MLLT11: variants seen among roughly 807,000 people sequenced by gnomAD.
The protein encoded by MLLT11 is protein AF1q.
In MLLT11, 1 loss-of-function variant was observed where a neutral mutation model predicts 5.3. The ratio of observed to expected loss-of-function variants is 0.19; its 90% CI spans 0.07 to 0.89. The LOEUF (loss-of-function observed/expected upper bound fraction) is 0.89. MLLT11 is among the 40% of genes least tolerant of loss of function. MLLT11 has a pLI of 0.67. For synonymous variants in MLLT11, 38 were observed against 41.7 expected (o/e 0.91, Z 0.34); for missense variants, 87 against 107.3 (o/e 0.81, Z 0.83).
intron 1 of MLLT11, among the ~76,000 whole-genome samples, chr1:151,063,994 A>C (rs1676442290): frequency 6.8e-6 from 1 of 147,516 alleles, no homozygotes; most frequent in South Asian, 2.2e-4. Context: ...TCCCTGTTAC[A>C]GCATAGGAAA....
intron 1 of MLLT11, among the ~76,000 whole-genome samples, chr1:151,064,649 C>T (rs1363242599): frequency 2.0e-5 from 3 of 152,136 alleles, no homozygotes; most frequent in Non-Finnish European, 2.9e-5. Context: ...TGGTGAGATG[C>T]CAGAGAGCTT....
chr1:151,068,738 C>T lies in MLLT11; in HGVS notation c.*1241C>T, dbSNP rs1676511577. Among the ~76,000 whole-genome samples, 1 of 152,164 alleles carries T rather than the reference C, an allele frequency of 6.6e-6. No individual in the cohort carries two copies. Among genetic ancestry groups the T allele is most frequent in the Non-Finnish European group, 1.5e-5 (1 of 68,028 alleles). ...TAGCTGGGATTACAGGCGCCTGCCA[C>T]CAGGCCTGGTTAATTTTTGTATTTT... On this transcript the variant is annotated 3_prime_UTR_variant, in exon 2 of 2. Coordinates refer to ENST00000368921, the MANE Select transcript of MLLT11 (RefSeq NM_006818.4).
rs1676490095 is a variant in MLLT11, at chr1:151,067,392, C to A, written c.168C>A (p.Asp56Glu). Residue 56 changes from aspartate (D) to glutamate (E), a missense_variant, in exon 2 of 2, where the codon GAC becomes GAA. Physicochemically the swap from Asp to Glu is conservative, Grantham distance 45. Coordinates refer to ENST00000368921, the MANE Select transcript of MLLT11 (RefSeq NM_006818.4). ...GKMIGQATAA[D>E]QEKNPEGDGL... ...TGATCGGGCAAGCAACTGCAGCAGACCAGGAGAAAAACCCTGAAGGTGATG... is the reference window on the plus strand; with the variant it reads ...TGATCGGGCAAGCAACTGCAGCAGAACAGGAGAAAAACCCTGAAGGTGATG... 6 of 1,614,150 alleles carry A rather than the reference C, an allele frequency of 3.7e-6. No homozygotes were observed. The African/African-American group carries it at 6.7e-5, about 18-fold the overall frequency.
chr1:151,061,835 T>A (rs1411759101), intron 1 of MLLT11, among the ~76,000 whole-genome samples: 2 of 152,228 alleles, frequency 1.3e-5, no homozygotes, highest in Non-Finnish European at 2.9e-5. Context: ...CACGTATGTT[T>A]GCATGCATGT....
In MLLT11 at chr1:151,067,493, T is replaced by C. The variant is rs998737563; in HGVS notation, c.269T>C (p.Leu90Pro). 1.2e-6 allele frequency: 2 copies of C among 1,613,242 alleles called. No individual in the cohort carries two copies. Among genetic ancestry groups the C allele is most frequent in the Admixed American group, 3.3e-5 (2 of 59,990 alleles). Reference protein sequence around the residue: ...ASIHSFELDLL With the variant: ...ASIHSFELDLP ...ATCCACTCCTTCGAACTGGACTTGCTCTAAGGCCAAGACTTCTCTCTCCCA... is the reference window on the plus strand; with the variant it reads ...ATCCACTCCTTCGAACTGGACTTGCCCTAAGGCCAAGACTTCTCTCTCCCA... The change falls in exon 2 of 2, where the codon CTC becomes CCC. Residue 90 changes from leucine to proline, a missense_variant. Leu to Pro is a moderately conservative substitution (Grantham distance 98). Coordinates refer to ENST00000368921, the MANE Select transcript of MLLT11 (RefSeq NM_006818.4).
At chr1:151,063,959 G>C (rs587751420) in intron 1 of MLLT11, among the ~76,000 whole-genome samples, 1 of 152,058 alleles carries the variant, frequency 6.6e-6, no homozygotes, top group African/African-American at 2.4e-5. Flanking sequence ...CAGTATACTC[G>C]AGCACTGGGA....
intron 1 of MLLT11, among the ~76,000 whole-genome samples, chr1:151,066,564 C>T (rs1676478467): frequency 6.6e-6 from 1 of 152,210 alleles, no homozygotes; most frequent in African/African-American, 2.4e-5. Context: ...CCTTGAAAAT[C>T]AGACCCAAGA....
rs1571858708 is a variant in MLLT11, at chr1:151,068,575, T to C, written c.*1078T>C. The C allele has an allele frequency of 5.4e-6, 1 of 183,972 alleles. No homozygotes were observed. The highest frequency in any genetic ancestry group is 1.2e-5 in the Non-Finnish European group (1 of 83,516). 11.4% of individuals were successfully genotyped at this position (183,972 alleles called of 1,614,324 possible). ...TAGCCTTGCTTTCACACTTAGCTTA[T>C]ACATCTTTTTTTTCTTTTTTATTTT... On this transcript the variant is annotated 3_prime_UTR_variant, in exon 2 of 2. Transcript: ENST00000368921.
intron 1 of MLLT11, among the ~76,000 whole-genome samples, chr1:151,062,784 G>C (rs1305079499): frequency 6.6e-6 from 1 of 152,194 alleles, no homozygotes; most frequent in Non-Finnish European, 1.5e-5. Context: ...ACTGGTAACA[G>C]TAAGAATCCC....
rs587747888 is a variant in MLLT11 at position 151,067,909 on chromosome 1, T to C, written c.*412T>C. 25 of 254,450 alleles carry C rather than the reference T, an allele frequency of 9.8e-5. No homozygotes were observed. The highest frequency in any genetic ancestry group is 3.9e-4 in the African/African-American group (18 of 45,576). 15.8% of individuals were successfully genotyped at this position (254,450 alleles called of 1,614,324 possible). A position where few individuals can be genotyped will look rare whatever the true frequency, so the allele number is the denominator to read the frequency against. ...CAGGGCAGTAAACACAAATATTTCTTCAAGGGGTGATGAAAACCTCGGAAG... is the reference window on the plus strand; with the variant it reads ...CAGGGCAGTAAACACAAATATTTCTCCAAGGGGTGATGAAAACCTCGGAAG... On this transcript the variant is annotated 3_prime_UTR_variant, in exon 2 of 2. Coordinates refer to ENST00000368921, the MANE Select transcript of MLLT11 (RefSeq NM_006818.4).
chr1:151,063,036 G>A (rs1359909949), intron 1 of MLLT11, among the ~76,000 whole-genome samples: 1 of 152,074 alleles, frequency 6.6e-6, no homozygotes, highest in African/African-American at 2.4e-5. Flanking sequence ...CTCCTTCTAA[G>A]CAGCTTCTCT....
At chr1:151,062,652 C>T (rs1023808596) in intron 1 of MLLT11, among the ~76,000 whole-genome samples, 1 of 151,952 alleles carries the variant, frequency 6.6e-6, no homozygotes. Context: ...TGTGCCACCG[C>T]GCCTGGCCCC....
intron 1 of MLLT11, among the ~76,000 whole-genome samples, chr1:151,065,580 T>C (rs900456676): frequency 4.6e-5 from 7 of 151,864 alleles, no homozygotes; most frequent in Non-Finnish European, 7.3e-5. Flanking sequence ...CTACAGGGTG[T>C]TGGGGGAGAT....
At position 151,067,306 on chromosome 1, in the gene MLLT11, G is replaced by C. The variant is rs1479006055; in HGVS notation, c.82G>C (p.Glu28Gln). ...CCCAGAACTGGATCTGTCGGAGCTG[G>C]AAGGCCTGGGTCTGTCAGATACAGC... ...PIPELDLSEL[E>Q]GLGLSDTATY... The change falls in exon 2 of 2, where the codon GAA (glutamate) becomes CAA (glutamine). Residue 28 changes from glutamate to glutamine, a missense_variant. By Grantham distance (29) the Glu-to-Gln change is conservative. Transcript: ENST00000368921. 6.2e-7 allele frequency: 1 copy of C among 1,614,096 alleles called. No homozygotes were observed. Among genetic ancestry groups the C allele is most frequent in the Middle Eastern group, 1.6e-4 (1 of 6,062 alleles).
In MLLT11 at chr1:151,067,749, C is replaced by G. The variant is rs967221586; in HGVS notation, c.*252C>G. ...GTCACAGGGATTCCTCCTTTCCCCC[C>G]CAAATATTAACTCCAGAAACTAGGC... is the stretch of plus-strand genomic sequence containing the variant. On this transcript the variant is annotated 3_prime_UTR_variant, in exon 2 of 2. Coordinates refer to ENST00000368921, the MANE Select transcript of MLLT11 (RefSeq NM_006818.4). 4 of 535,970 alleles carry G rather than the reference C, an allele frequency of 7.5e-6. No individual in the cohort carries two copies. Among genetic ancestry groups the G allele is most frequent in the South Asian group, 4.9e-5 (2 of 40,408 alleles). 33.2% of individuals were successfully genotyped at this position (535,970 alleles called of 1,614,324 possible).
chr1:151,062,830 G>T (rs587761664), intron 1 of MLLT11, among the ~76,000 whole-genome samples: 10 of 152,252 alleles, frequency 6.6e-5, no homozygotes, highest in Admixed American at 3.9e-4. Flanking sequence ...TGACTCCTAG[G>T]TATGCTTCTT....
At chr1:151,067,031 C>CT (rs1676484413) in intron 1 of MLLT11, 188 bp from the exon 2 acceptor site, 17 of 474,594 alleles carry the variant, frequency 3.6e-5, no homozygotes, top group Admixed American at 1.2e-4. Context: ...TGGTGAGTTT[C>CT]TTTTTTTTCC....
chr1:151,061,013 C>G (rs1285263574), intron 1 of MLLT11, among the ~76,000 whole-genome samples: 4 of 152,056 alleles, frequency 2.6e-5, no homozygotes, highest in Non-Finnish European at 5.9e-5. Context: ...TAATCCTGAC[C>G]TTTCTTTGGA....
At position 151,068,375 on chromosome 1, in the gene MLLT11, G is replaced by A. The variant is rs769446506; in HGVS notation, c.*878G>A. On this transcript the variant is annotated 3_prime_UTR_variant, in exon 2 of 2. Coordinates refer to ENST00000368921, the MANE Select transcript of MLLT11 (RefSeq NM_006818.4). Reference sequence around the variant, plus strand: ...GTGGGCACAGTTCTTCAGCTACATTGAGACCCTGAAATGAACAATTATATT... The same window carrying A: ...GTGGGCACAGTTCTTCAGCTACATTAAGACCCTGAAATGAACAATTATATT... 4.9e-5 allele frequency: 11 copies of A among 225,350 alleles called. No individual in the cohort carries two copies. The highest frequency in any genetic ancestry group is 1.2e-4 in the Admixed American group (2 of 17,006). The allele number at this position is 225,350 out of a possible 1,614,324, so 14.0% of individuals were successfully genotyped here. A position where few individuals can be genotyped will look rare whatever the true frequency, so the allele number is the denominator to read the frequency against.
Sources: allele counts gnomAD v4.1 joint callset (sites outside exome capture counted in the v4.1 genomes callset), GRCh38; gene constraint gnomAD v4.1.1; transcripts MANE v1.5; gene names NCBI Gene and HGNC (gene_info 2026-07-23, HGNC 2026-07-21).